SLC7A6: variants seen among roughly 807,000 people sequenced by gnomAD.
SLC7A6 encodes Y+L amino acid transporter 2.
A neutral mutation model predicts 46.6 loss-of-function variants in SLC7A6; 29 were observed. The ratio of observed to expected loss-of-function variants is 0.62; its 90% CI spans 0.46 to 0.85. SLC7A6 has a LOEUF of 0.85. Among genes scored for constraint, SLC7A6 ranks in the 40% least tolerant of loss-of-function variants. The pLI, the probability that SLC7A6 is intolerant of heterozygous loss-of-function variation, is 0.00. For missense variants in SLC7A6, 527 were observed against 647.6 expected (o/e 0.81, Z 2.02); for synonymous variants, 276 against 257.3 (o/e 1.07, Z -0.70).
At chr16:68,273,332 A>G (rs2042653488) in intron 2 of SLC7A6, among the ~76,000 whole-genome samples, 2 of 152,090 alleles carry the variant, frequency 1.3e-5, no homozygotes, top group Admixed American at 1.3e-4. Context: ...TCCTGTTCCT[A>G]TTGCTGATTC....
chr16:68,280,993 A>G (rs1325511702), intron 3 of SLC7A6, among the ~76,000 whole-genome samples: 1 of 152,114 alleles, frequency 6.6e-6, no homozygotes, highest in Admixed American at 6.5e-5. Flanking sequence ...TCGGCCTCCC[A>G]AAGTGCTGGG....
chr16:68,287,911 G>A, intron 4 of SLC7A6, 40 bp downstream of exon 4: 1 of 1,605,576 alleles, frequency 6.2e-7, no homozygotes, highest in Non-Finnish European at 8.5e-7. Flanking sequence ...CAGTTCCTCT[G>A]GATTCCCTGA....
chr16:68,281,731 T>G (rs911334840), intron 3 of SLC7A6, among the ~76,000 whole-genome samples: 1 of 152,216 alleles, frequency 6.6e-6, no homozygotes, highest in African/African-American at 2.4e-5. Context: ...AGTACTTGAT[T>G]TGACTGCAGA....
At chr16:68,295,151 G>T (rs2043137239) in intron 8 of SLC7A6, among the ~76,000 whole-genome samples, 1 of 151,944 alleles carries the variant, frequency 6.6e-6, no homozygotes, top group Non-Finnish European at 1.5e-5. Flanking sequence ...TCCTTAATAT[G>T]TGCCAATTAT....
rs963040834 is a variant in SLC7A6, at chr16:68,299,000, T to C, written c.*1672T>C. ...GGCCATATATTTGCTCAATAAAGATTGAAGGAAGCATGGTCATAGTTGCCC... is the reference window on the plus strand; with the variant it reads ...GGCCATATATTTGCTCAATAAAGATCGAAGGAAGCATGGTCATAGTTGCCC... On this transcript the variant is annotated 3_prime_UTR_variant, in exon 11 of 11. Transcript: ENST00000219343. 1 of 152,614 alleles carries C rather than the reference T, an allele frequency of 6.6e-6. No homozygotes were observed. Among genetic ancestry groups the C allele is most frequent in the Non-Finnish European group, 1.5e-5 (1 of 68,022 alleles). 9.5% of individuals were successfully genotyped at this position (152,614 alleles called of 1,614,324 possible).
intron 2 of SLC7A6, among the ~76,000 whole-genome samples, chr16:68,270,184 T>G (rs1046872015): frequency 1.3e-5 from 2 of 148,254 alleles, no homozygotes; most frequent in Non-Finnish European, 3.0e-5. Flanking sequence ...TAGGGATTTC[T>G]CTGTTGTCTG....
chr16:68,293,831 C>T (rs552600161), intron 7 of SLC7A6, among the ~76,000 whole-genome samples: 42 of 152,340 alleles, frequency 2.8e-4, no homozygotes, highest in African/African-American at 9.6e-4. Context: ...TCAAGCCTAG[C>T]GAGTGAGTGT....
rs2042501504 is a variant in SLC7A6, at chr16:68,264,890, A to C, written c.-166+314A>C. ...GCTGGCGACGCGGCGAGTGTGAGGG[A>C]GACCGGGGGTGTGTGTGGAGAGGGA... On this transcript the variant is annotated intron_variant, in intron 1 of 10. Transcript: ENST00000219343. This position sits in a 1 kb window ranked among gnomAD's most constrained non-coding sequence, Gnocchi z 5.8. 6.6e-6 allele frequency: 1 copy of C among 152,394 alleles called. No homozygotes were observed. The highest frequency in any genetic ancestry group is 2.1e-4 in the South Asian group (1 of 4,830). The allele number at this position is 152,394 out of a possible 1,614,324, so 9.4% of individuals were successfully genotyped here. A position where few individuals can be genotyped will look rare whatever the true frequency, so the allele number is the denominator to read the frequency against.
chr16:68,278,699 T>G (rs931218738), intron 3 of SLC7A6, among the ~76,000 whole-genome samples: 1 of 152,254 alleles, frequency 6.6e-6, no homozygotes, highest in Non-Finnish European at 1.5e-5. Flanking sequence ...TGGAGTCTCC[T>G]ATGTCTACTT....
At chr16:68,294,903 T>C in intron 8 of SLC7A6, 102 bp downstream of exon 8, 1 of 732,754 alleles carries the variant, frequency 1.4e-6, no homozygotes, top group South Asian at 1.6e-5. Context: ...AAGGCCTTAC[T>C]CTAAGATGTG....
chr16:68,294,022 C>A (rs977709988), intron 7 of SLC7A6, among the ~76,000 whole-genome samples: 2 of 152,130 alleles, frequency 1.3e-5, no homozygotes, highest in Admixed American at 1.3e-4. Context: ...CTCAGCCTCC[C>A]GAGTAGCTGG....
rs1260194441 is a variant in SLC7A6, at chr16:68,296,510, C to G, written c.1266C>G (p.Leu422=). The part of the protein sequence containing the change: ...RWKEPKRPRP[L]KLSVFFPIVF... The stretch of plus-strand genomic sequence containing the variant: ...AGGAGCCCAAGCGGCCCCGGCCTCT[C>G]AAGGTCAGCAGCTCTGGCCAGACTA... The change falls in exon 9 of 11, where the codon CTC becomes CTG. Residue 422 remains leucine (L), a synonymous_variant. Coordinates refer to ENST00000219343, the MANE Select transcript of SLC7A6 (RefSeq NM_003983.6). 3 of 1,614,072 alleles carry G rather than the reference C, an allele frequency of 1.9e-6. No individual in the cohort carries two copies. The African/African-American group carries it at 4.0e-5, about 22-fold the overall frequency.
chr16:68,265,750 C>T (rs2042520836), intron 1 of SLC7A6: 1 of 152,168 alleles, frequency 6.6e-6, no homozygotes, highest in Non-Finnish European at 1.5e-5. Flanking sequence ...CAAGTCGTTA[C>T]ACTGGAGTTT....
chr16:68,284,833 T>C (rs1260676749), intron 3 of SLC7A6: 1 of 150,780 alleles, frequency 6.6e-6, no homozygotes, highest in African/African-American at 2.5e-5. Context: ...CTCTCACCCC[T>C]CTGTCTCTTC....
intron 2 of SLC7A6, among the ~76,000 whole-genome samples, chr16:68,271,400 G>C (rs1422565198): frequency 6.6e-6 from 1 of 152,132 alleles, no homozygotes; most frequent in Non-Finnish European, 1.5e-5. Context: ...AACCTTCTTG[G>C]GCTCAGGTGA....
At chr16:68,273,827 T>C (rs1175055631) in intron 2 of SLC7A6, 1 of 151,172 alleles carries the variant, frequency 6.6e-6, no homozygotes, top group Non-Finnish European at 1.5e-5. Context: ...GGCAGTGGCG[T>C]GATCTTGGCT....
intron 3 of SLC7A6, among the ~76,000 whole-genome samples, chr16:68,279,235 G>A (rs1311316859): frequency 2.6e-5 from 4 of 151,850 alleles, no homozygotes; most frequent in South Asian, 2.1e-4. Flanking sequence ...CTAGCTACTC[G>A]GGAGCCTGAG....
At chr16:68,285,224 CTG>C (rs1434485654) in intron 3 of SLC7A6, among the ~76,000 whole-genome samples, 5 of 152,142 alleles carry the variant, frequency 3.3e-5, no homozygotes, top group Non-Finnish European at 7.4e-5. Flanking sequence ...TATTCCAACT[CTG>C]TGTTTCTGGG....
intron 7 of SLC7A6, 94 bp from the exon 8 acceptor site, chr16:68,294,611 C>CG: frequency 2.3e-6 from 2 of 888,026 alleles, no homozygotes; most frequent in South Asian, 2.8e-5. Flanking sequence ...CTGCTTTCCT[C>CG]GGGGGCTCTG....
Sources: allele counts gnomAD v4.1 joint callset (sites outside exome capture counted in the v4.1 genomes callset), GRCh38; gene constraint gnomAD v4.1.1; non-coding constraint Gnocchi (gnomAD v3.1); transcripts MANE v1.5; gene names NCBI Gene and HGNC (gene_info 2026-07-23, HGNC 2026-07-21).